The following TTN variants were observed in gnomAD, a reference collection of about 807,000 sequenced individuals.
TTN encodes the protein titin.
A neutral mutation model predicts 3,223.0 loss-of-function variants in TTN; 1,525 were observed. The ratio of observed to expected loss-of-function variants is 0.47; its 90% CI spans 0.45 to 0.49. The LOEUF is 0.49. Ranked by LOEUF, TTN falls within the 20% of genes least tolerant of loss-of-function variation. The pLI is 0.00. For synonymous variants in TTN, 14,094 were observed against 15,161.0 expected (o/e 0.93, Z 5.17); for missense variants, 40,786 against 43,424.0 (o/e 0.94, Z 5.40).
rs763668057 is a variant in TTN at position 178,636,143 on chromosome 2, C to T, written c.41428G>A (p.Val13810Met). ...LSCELNKERD[V>M]VWRKDGKIVV... ...ATCTTGCCATCCTTCCTCCAGACCACGTCACGCTCTTTGTTTAACTCGCAG... is the reference window on the plus strand; with the variant it reads ...ATCTTGCCATCCTTCCTCCAGACCATGTCACGCTCTTTGTTTAACTCGCAG... Residue 13810 changes from valine to methionine, a missense_variant, in exon 226 of 363, where the codon GTG (valine) becomes ATG (methionine). Physicochemically the swap from Val to Met is conservative, Grantham distance 21. Transcript: ENST00000589042. The surrounding 1 kb of genome is among the most constrained non-coding windows in gnomAD (Gnocchi z 4.3). 4.2e-5 allele frequency: 67 copies of T among 1,612,978 alleles called. No individual in the cohort carries two copies. Among genetic ancestry groups the T allele is most frequent in the Admixed American group, 6.7e-5 (4 of 59,958 alleles).
rs908683191 is a variant in TTN at position 178,617,616 on chromosome 2, T to C, written c.47573-104A>G. On this transcript the variant is annotated intron_variant, in intron 253 of 362. Transcript: ENST00000589042. ...CATCCTCATTAACAGGTTTATCAAA[T>C]TCACTAAGTAAAGTAGGCACAGTCT... 3 of 1,401,508 alleles carry C rather than the reference T, an allele frequency of 2.1e-6. No individual in the cohort carries two copies. The Admixed American group carries it at 8.2e-5, about 38-fold the overall frequency. 86.8% of individuals were successfully genotyped at this position (1,401,508 alleles called of 1,614,324 possible).
chr2:178,534,877 T>C lies in TTN; in HGVS notation c.101738A>G (p.Glu33913Gly). Residue 33913 changes from glutamate (E) to glycine (G), a missense_variant, in exon 358 of 363, where the codon GAA (glutamate) becomes GGA (glycine). Coordinates refer to ENST00000589042, the MANE Select transcript of TTN (RefSeq NM_001267550.2). ...GTGAACATAACTTACAATTTCTCTT[T>C]CATTAAGTTCAAAAGCACTTGTGTT... ...RINTSAFELNEREIVSYVHQV... is the reference protein window; with the variant it reads ...RINTSAFELNGREIVSYVHQV... 2 of 1,608,652 alleles carry C rather than the reference T, an allele frequency of 1.2e-6. No individual in the cohort carries two copies. Among genetic ancestry groups the C allele is most frequent in the Non-Finnish European group, 1.7e-6 (2 of 1,179,806 alleles).
Position 178,719,269 on chromosome 2 carries a change from T to C in TTN, c.24121A>G (p.Thr8041Ala). ...CQSSFSENVC[T>A]LNLSLLEPSD... The stretch of plus-strand genomic sequence containing the variant: ...GGCTCCAACAAGCTCAGATTCAAAG[T>C]ACAGACGTTTTCCGAAAAGCTGGAC... The change falls in exon 83 of 363, where the codon ACT (threonine) becomes GCT (alanine). Residue 8041 changes from threonine (T) to alanine (A), a missense_variant. Transcript: ENST00000589042. 1 of 1,613,710 alleles carries C rather than the reference T, an allele frequency of 6.2e-7. No individual in the cohort carries two copies. The highest frequency in any genetic ancestry group is 8.5e-7 in the Non-Finnish European group (1 of 1,179,742).
intron 224 of TTN, 27 bp downstream of exon 224, chr2:178,637,342 T>C: frequency 7.6e-6 from 11 of 1,440,354 alleles, no homozygotes; most frequent in Non-Finnish European, 1.0e-5. Flanking sequence ...AAGGTTACAA[T>C]GCAAGTACTA....
chr2:178,806,720 C>T (rs1307890394), intron 1 of TTN, among the ~76,000 whole-genome samples: 1 of 152,162 alleles, frequency 6.6e-6, no homozygotes, highest in African/African-American at 2.4e-5. Context: ...CTAAACTCTC[C>T]AAGGTTGACT....
rs370004591 is a variant in TTN, at chr2:178,776,789, C to T, written c.5075G>A (p.Gly1692Asp). 1.2e-6 allele frequency: 2 copies of T among 1,614,030 alleles called. No individual in the cohort carries two copies. The highest frequency in any genetic ancestry group is 2.7e-5 in the African/African-American group (2 of 74,932). ...LRYGQEQWEE[G>D]DLYDKEKQQK... ...TTGTTTCTCTTTGTCATAGAGATCA[C>T]CTTCTTCCCATTGCTCTTGGCCATA... The change falls in exon 28 of 363, where the codon GGT (glycine) becomes GAT (aspartate). Residue 1692 changes from glycine (G) to aspartate (D), a missense_variant. Transcript: ENST00000589042.
intron 17 of TTN, 136 bp downstream of exon 17, chr2:178,783,584 C>A: frequency 1.3e-6 from 1 of 755,176 alleles, no homozygotes; most frequent in Non-Finnish European, 2.2e-6. Flanking sequence ...AGACCAAATA[C>A]GGTCTTAAAA....
chr2:178,703,575 G>A (rs1362974133), intron 106 of TTN, among the ~76,000 whole-genome samples: 1 of 152,080 alleles, frequency 6.6e-6, no homozygotes, highest in East Asian at 1.9e-4. Context: ...GGGTGTCTTT[G>A]GAAAATGTGT....
chr2:178,537,111 G>A lies in TTN; in HGVS notation c.99998C>T (p.Ala33333Val). Residue 33333 changes from alanine (A) to valine (V), a missense_variant, in exon 356 of 363, where the codon GCC becomes GTC. Physicochemically the swap from Ala to Val is moderately conservative, Grantham distance 64. Coordinates refer to ENST00000589042, the MANE Select transcript of TTN (RefSeq NM_001267550.2). ...CAATTGCCATTCAGCCCCCTCCTTGGCCTCACATTTTTCCACCACATAGTT... is the reference window on the plus strand; with the variant it reads ...CAATTGCCATTCAGCCCCCTCCTTGACCTCACATTTTTCCACCACATAGTT... ...ITNYVVEKCE[A>V]KEGAEWQLVS... 1 of 1,613,228 alleles carries A rather than the reference G, an allele frequency of 6.2e-7. No homozygotes were observed. Among genetic ancestry groups the A allele is most frequent in the Non-Finnish European group, 8.5e-7 (1 of 1,179,598 alleles).
In TTN at chr2:178,651,968, C is replaced by A; in HGVS notation, c.39296-1G>T. On this transcript the variant is annotated splice_acceptor_variant, in intron 204 of 362. Transcript: ENST00000589042. LOFTEE classifies it high-confidence loss of function. ...GCAACTTCCTCAGGCTCCTCGAACA[C>A]TTTAAAGACATGAGCTCATTTTAAT... 1 of 1,610,752 alleles carries A rather than the reference C, an allele frequency of 6.2e-7. No homozygotes were observed. The highest frequency in any genetic ancestry group is 8.5e-7 in the Non-Finnish European group (1 of 1,178,366).
intron 278 of TTN, among the ~76,000 whole-genome samples, chr2:178,606,354 C>A (rs990574765): frequency 1.3e-5 from 2 of 151,746 alleles, no homozygotes; most frequent in African/African-American, 2.4e-5. Flanking sequence ...AGATGAGCTG[C>A]AGCAGTGATA....
chr2:178,736,913 G>A (rs934229486), intron 49 of TTN, among the ~76,000 whole-genome samples: 12 of 152,070 alleles, frequency 7.9e-5, no homozygotes, highest in Admixed American at 4.6e-4. Flanking sequence ...GAACCTCATC[G>A]TTTTCACATT....
At position 178,558,101 on chromosome 2, in the gene TTN, G is replaced by T. The variant is rs376026291; in HGVS notation, c.87253C>A (p.Leu29085Ile). The T allele has an allele frequency of 6.2e-7, 1 of 1,613,862 alleles. No homozygotes were observed. Residue 29085 changes from leucine to isoleucine, a missense_variant, in exon 328 of 363, where the codon CTT (leucine) becomes ATT (isoleucine). Leu to Ile is a conservative substitution (Grantham distance 5, BLOSUM62 2). Transcript: ENST00000589042. Reference protein sequence around the residue: ...KVTLSRDGVPLKATMRFNTEI... With the variant: ...KVTLSRDGVPIKATMRFNTEI... ...GTATTAAATCTCATGGTTGCCTTAAGGGGGACACCATCTCTTGATAAGGTC... is the reference window on the plus strand; with the variant it reads ...GTATTAAATCTCATGGTTGCCTTAATGGGGACACCATCTCTTGATAAGGTC...
In TTN at chr2:178,571,367, C is replaced by A. The variant is rs1002914471; in HGVS notation, c.74765G>T (p.Arg24922Met). ...ATTCCATTGTACTTCCATGCTGTCCCTGGAGGACAGTGTGACAACTGGAGT... is the reference window on the plus strand; with the variant it reads ...ATTCCATTGTACTTCCATGCTGTCCATGGAGGACAGTGTGACAACTGGAGT... The part of the protein sequence containing the change: ...PGTPVVTLSS[R>M]DSMEVQWNEP... Residue 24922 changes from arginine (R) to methionine (M), a missense_variant, in exon 326 of 363, where the codon AGG (arginine) becomes ATG (methionine). Arg to Met is a moderately conservative substitution (Grantham distance 91, BLOSUM62 -1). Transcript: ENST00000589042. 6.2e-7 allele frequency: 1 copy of A among 1,613,228 alleles called. No homozygotes were observed. The highest frequency in any genetic ancestry group is 8.5e-7 in the Non-Finnish European group (1 of 1,179,550).
Position 178,730,515 on chromosome 2 carries a change from C to A in TTN, c.18018G>T (p.Leu6006=). The A allele has an allele frequency of 6.2e-7, 1 of 1,602,238 alleles. No homozygotes were observed. The highest frequency in any genetic ancestry group is 1.1e-5 in the South Asian group (1 of 89,746). ...KAGHNQCSGH[L]TVKEPPYFVE... ...ATAAAATTTGCCAACCTTTGACTGT[C>A]AGATGCCCACTGCATTGGTTGTGCC... Residue 6006 remains leucine (L), a synonymous_variant, in exon 61 of 363, where the codon CTG becomes CTT. Transcript: ENST00000589042.
chr2:178,529,638 T>C (rs926259006), intron 359 of TTN, among the ~76,000 whole-genome samples: 7 of 152,214 alleles, frequency 4.6e-5, no homozygotes, highest in African/African-American at 1.7e-4. Context: ...TTAGCAACTG[T>C]GAAGGTTTAG....
rs1310420824 is a variant in TTN at position 178,800,833 on chromosome 2, T to A, written c.296-151A>T. On this transcript the variant is annotated intron_variant, in intron 3 of 362. Coordinates refer to ENST00000589042, the MANE Select transcript of TTN (RefSeq NM_001267550.2). ...TCCTTGAACCCAGCTCACCCAGCAATGACAGCAAGAATGGGAGCCAGGAGA... is the reference window on the plus strand; with the variant it reads ...TCCTTGAACCCAGCTCACCCAGCAAAGACAGCAAGAATGGGAGCCAGGAGA... 5.1e-6 allele frequency: 4 copies of A among 789,922 alleles called. No homozygotes were observed. The African/African-American group carries it at 7.0e-5, about 14-fold the overall frequency. 48.9% of individuals were successfully genotyped at this position (789,922 alleles called of 1,614,324 possible).
chr2:178,658,383 T>A (rs1217810548), intron 184 of TTN, 28 bp from the exon 185 acceptor site: 4 of 925,712 alleles, frequency 4.3e-6, no homozygotes, highest in African/African-American at 4.1e-5. Flanking sequence ...TTTTTATAAT[T>A]TATGAATGGT....
intron 147 of TTN, among the ~76,000 whole-genome samples, chr2:178,676,283 TATC>T (rs774271337): frequency 2.6e-5 from 4 of 151,920 alleles, no homozygotes; most frequent in African/African-American, 9.7e-5. Flanking sequence ...ACCAACCTAA[TATC>T]ATTTCATACA....
Sources: gnomAD v4.1 joint callset for allele counts (sites outside exome capture counted in the v4.1 genomes callset) on GRCh38, gnomAD v4.1.1 for gene constraint, Gnocchi (gnomAD v3.1) non-coding constraint, MANE v1.5 for transcripts, NCBI Gene and HGNC (gene_info 2026-07-23, HGNC 2026-07-21) for gene names.